The following PTPRH variants were observed in gnomAD, a reference collection of about 807,000 sequenced individuals.
The protein encoded by PTPRH is receptor-type tyrosine-protein phosphatase H.
Under a neutral mutation model 130.2 loss-of-function variants are expected in PTPRH, and 113 were observed. That is an observed-to-expected ratio of 0.87 (90% CI 0.75 to 1.01). The LOEUF (loss-of-function observed/expected upper bound fraction) is 1.01, where lower values mean the gene tolerates loss of function less well. PTPRH is among the 50% of genes least tolerant of loss of function. The pLI is 0.00. For missense variants in PTPRH, 1,430 were observed against 1,425.0 expected (o/e 1.00, Z -0.06); for synonymous variants, 556 against 577.9 (o/e 0.96, Z 0.54).
Position 55,206,889 on chromosome 19 carries a change from T to C in PTPRH, c.152A>G (p.Glu51Gly). 6.2e-7 allele frequency: 1 copy of C among 1,613,516 alleles called. No individual in the cohort carries two copies. ...QTTSSISLSW[E>G]VPDGLDSQNS... Reference sequence around the variant, plus strand: ...CTGTGAGTCTAGGCCATCGGGGACCTCCCAGCTCAGGGAGATGGAGCTGGT... The same window carrying C: ...CTGTGAGTCTAGGCCATCGGGGACCCCCCAGCTCAGGGAGATGGAGCTGGT... Residue 51 changes from glutamate (E) to glycine (G), a missense_variant, in exon 3 of 20, where the codon GAG becomes GGG. Glu to Gly is a moderately conservative substitution (Grantham distance 98). Transcript: ENST00000376350.
At position 55,202,107 on chromosome 19, in the gene PTPRH, C is replaced by T. The variant is rs200768477; in HGVS notation, c.1102G>A (p.Val368Met). The T allele has an allele frequency of 6.2e-6, 10 of 1,614,128 alleles. No homozygotes were observed. The highest frequency in any genetic ancestry group is 8.5e-6 in the Non-Finnish European group (10 of 1,180,058). Residue 368 changes from valine (V) to methionine (M), a missense_variant, in exon 6 of 20, where the codon GTG becomes ATG. By Grantham distance (21) the Val-to-Met change is conservative. Transcript: ENST00000376350. ...PGCLYVFSVW[V>M]GKNGINSSRE... ...GAGCTGTTGATTCCATTCTTCCCCA[C>T]CCACACGGAAAACACATACAAACAC...
chr19:55,191,789 C>T (rs2086545705), intron 10 of PTPRH, 48 bp from the exon 11 acceptor site: 1 of 1,488,942 alleles, frequency 6.7e-7, no homozygotes, highest in African/African-American at 1.4e-5. Context: ...GTCTGAGCTG[C>T]TCATCTGTCT....
rs534540082 is a variant in PTPRH, at chr19:55,205,351, G to T, written c.594C>A (p.Ser198=). Residue 198 remains serine (S), a synonymous_variant, in exon 4 of 20, where the codon TCC becomes TCA. Transcript: ENST00000376350. ...MWVGKNGINS[S]RETRNATTAH... is the part of the protein sequence containing the mutation. ...CTGTGGTGGCATTTCGAGTCTCCCG[G>T]GAGCTGTTGATTCCATTCTTTCCCA... 14 of 1,614,016 alleles carry T rather than the reference G, an allele frequency of 8.7e-6. No homozygotes were observed. Among genetic ancestry groups the T allele is most frequent in the South Asian group, 3.3e-5 (3 of 91,088 alleles).
At chr19:55,189,519 C>T (rs1410269572) in intron 12 of PTPRH, among the ~76,000 whole-genome samples, 1 of 152,226 alleles carries the variant, frequency 6.6e-6, no homozygotes, top group Non-Finnish European at 1.5e-5. Context: ...GCACGATGTT[C>T]TCTGAACCTC....
chr19:55,204,089 C>T, intron 4 of PTPRH, 41 bp from the exon 5 acceptor site: 1 of 1,545,752 alleles, frequency 6.5e-7, no homozygotes, highest in Non-Finnish European at 8.8e-7. Flanking sequence ...AGCAGGACTA[C>T]AGAACATAAC....
Position 55,191,998 on chromosome 19 carries a change from A to G in PTPRH, c.2258-257T>C, listed in dbSNP as rs779346715. 6.7e-5 allele frequency: 42 copies of G among 629,180 alleles called. No individual in the cohort carries two copies. In the East Asian group the frequency reaches 1.3e-3, roughly 20 times the overall value. 39.0% of individuals were successfully genotyped at this position (629,180 alleles called of 1,614,324 possible). ...TCCGCCTACTCAACGCGAAGACTAC[A>G]AGGAGGAAGACCTTTATGATGATCT... On this transcript the variant is annotated intron_variant, in intron 10 of 19. Coordinates refer to ENST00000376350, the MANE Select transcript of PTPRH (RefSeq NM_002842.5).
At chr19:55,199,859 GA>G (rs2086803424) in intron 7 of PTPRH, among the ~76,000 whole-genome samples, 1 of 148,230 alleles carries the variant, frequency 6.7e-6, no homozygotes, top group Non-Finnish European at 1.5e-5. Context: ...AGGGAGGAAG[GA>G]AGGCTTTAAA....
intron 5 of PTPRH, among the ~76,000 whole-genome samples, 196 bp from the exon 6 acceptor site, chr19:55,202,518 T>G (rs8109428): frequency 0.24 from 36,526 of 151,794 alleles, 4,885 homozygotes; most frequent in African/African-American, 0.35. Flanking sequence ...GCCGTTAGTG[T>G]AAGATCCACA....
At chr19:55,186,052 C>A in intron 16 of PTPRH, 68 bp from the exon 17 acceptor site, 1 of 1,608,960 alleles carries the variant, frequency 6.2e-7, no homozygotes, top group Non-Finnish European at 8.5e-7. Flanking sequence ...TGCTTTAGGC[C>A]CCAAATGTGA....
intron 10 of PTPRH, among the ~76,000 whole-genome samples, chr19:55,192,588 G>C (rs2086574756): frequency 6.6e-6 from 1 of 150,872 alleles, no homozygotes; most frequent in African/African-American, 2.4e-5. Flanking sequence ...GTCTTGCTCT[G>C]TCACCCAGGC....
At chr19:55,189,347 T>G (rs1269088406) in intron 12 of PTPRH, among the ~76,000 whole-genome samples, 1 of 152,190 alleles carries the variant, frequency 6.6e-6, no homozygotes, top group Non-Finnish European at 1.5e-5. Context: ...CATGTTAGAC[T>G]GTGTCACTAG....
chr19:55,196,429 A>C, intron 10 of PTPRH, 93 bp downstream of exon 10: 2 of 1,402,310 alleles, frequency 1.4e-6, no homozygotes, highest in Non-Finnish European at 1.9e-6. Context: ...GAAATGAGAA[A>C]CAAAAGAGTC....
chr19:55,205,853 T>A (rs1437150355), intron 3 of PTPRH, among the ~76,000 whole-genome samples: 1 of 152,252 alleles, frequency 6.6e-6, no homozygotes, highest in Non-Finnish European at 1.5e-5. Context: ...TCATTGATCC[T>A]TTATATATAT....
At position 55,200,105 on chromosome 19, in the gene PTPRH, T is replaced by C. The variant is rs2086811119; in HGVS notation, c.1420+131A>G. The C allele has an allele frequency of 1.6e-5, 17 of 1,065,792 alleles. No individual in the cohort carries two copies. The South Asian group carries it at 2.2e-4, about 14-fold the overall frequency. 66.0% of individuals were successfully genotyped at this position (1,065,792 alleles called of 1,614,324 possible). A position where few individuals can be genotyped will look rare whatever the true frequency, so the allele number is the denominator to read the frequency against. ...CCCCCAGCTGTGATTACATCTGTCC[T>C]GTGGACTTGGAGAGGCAGATGTCTG... is the stretch of plus-strand genomic sequence containing the variant. On this transcript the variant is annotated intron_variant, in intron 7 of 19. Transcript: ENST00000376350.
chr19:55,189,865 G>C (rs979310696), intron 12 of PTPRH: 1 of 399,058 alleles, frequency 2.5e-6, no homozygotes, highest in South Asian at 1.8e-5. Flanking sequence ...ATTGTGGTGC[G>C]TGCCTGTGGT....
chr19:55,204,208 C>T lies in PTPRH; in HGVS notation c.620-160G>A, dbSNP rs184101504. ...GATCTCGGCTCACCACAGCCTCCGC[C>T]GTCCGGGTTCAAGCGATTCTCCTGC... On this transcript the variant is annotated intron_variant, in intron 4 of 19. Transcript: ENST00000376350. Among the ~76,000 whole-genome samples, 364 of 152,284 alleles carry T rather than the reference C, an allele frequency of 2.4e-3. 1 individual carries two copies. The highest frequency in any genetic ancestry group is 7.6e-3 in the African/African-American group (316 of 41,550).
At chr19:55,200,187 G>A (rs768802714) in intron 7 of PTPRH, 49 bp downstream of exon 7, 1 of 1,601,260 alleles carries the variant, frequency 6.2e-7, no homozygotes, top group South Asian at 1.1e-5. Context: ...CGCTCCTGCT[G>A]GTTCTTAACC....
chr19:55,196,685 CAACT>C lies in PTPRH; in HGVS notation c.2090_2093del (p.Glu697GlyfsTer41). On this transcript the variant is annotated frameshift_variant, in exon 10 of 20. Coordinates refer to ENST00000376350, the MANE Select transcript of PTPRH (RefSeq NM_002842.5). LOFTEE classifies it high-confidence loss of function. Reference sequence around the variant, plus strand: ...GGGAGCCCCGCTGTCCTCCCACCTCCAACTCAAAGGCCTCGTAGCCTCCCTGGGG... The same window carrying C: ...GGGAGCCCCGCTGTCCTCCCACCTCCCAAAGGCCTCGTAGCCTCCCTGGGG... The C allele has an allele frequency of 6.2e-7, 1 of 1,614,128 alleles. No individual in the cohort carries two copies. Among genetic ancestry groups the C allele is most frequent in the Non-Finnish European group, 8.5e-7 (1 of 1,180,032 alleles).
Position 55,202,103 on chromosome 19 carries a change from C to G in PTPRH, c.1106G>C (p.Gly369Ala). ...GCLYVFSVWV[G>A]KNGINSSRET... ...CCGGGAGCTGTTGATTCCATTCTTCCCCACCCACACGGAAAACACATACAA... is the reference window on the plus strand; with the variant it reads ...CCGGGAGCTGTTGATTCCATTCTTCGCCACCCACACGGAAAACACATACAA... The change falls in exon 6 of 20, where the codon GGG becomes GCG. Residue 369 changes from glycine to alanine, a missense_variant. By Grantham distance (60) the Gly-to-Ala change is moderately conservative. Transcript: ENST00000376350. 6.2e-7 allele frequency: 1 copy of G among 1,614,212 alleles called. No individual in the cohort carries two copies. The highest frequency in any genetic ancestry group is 1.3e-5 in the African/African-American group (1 of 75,050).
Sources: gnomAD v4.1 joint callset for allele counts (sites outside exome capture counted in the v4.1 genomes callset) on GRCh38, gnomAD v4.1.1 for gene constraint, MANE v1.5 for transcripts, NCBI Gene and HGNC (gene_info 2026-07-23, HGNC 2026-07-21) for gene names.